EBF1: variants seen among roughly 807,000 people sequenced by gnomAD.
The protein encoded by EBF1 is EBF transcription factor 1.
Under a neutral mutation model 68.4 loss-of-function variants are expected in EBF1, and 10 were observed. The ratio of observed to expected loss-of-function variants is 0.15; its 90% CI spans 0.09 to 0.25. The LOEUF (loss-of-function observed/expected upper bound fraction) is 0.25, where lower values mean the gene tolerates loss of function less well. Ranked by LOEUF, EBF1 falls within the 10% of genes least tolerant of loss-of-function variation. The pLI, the probability that EBF1 is intolerant of heterozygous loss-of-function variation, is 1.00. For synonymous variants in EBF1, 298 were observed against 299.8 expected, an observed-to-expected ratio of 0.99 and a Z score of 0.06; for missense variants, 509 against 794.4, an observed-to-expected ratio of 0.64 and a Z score of 4.32.
chr5:158,709,401 C>T (rs897887987), intron 14 of EBF1, among the ~76,000 whole-genome samples: 1 of 152,182 alleles, frequency 6.6e-6, no homozygotes, highest in Admixed American at 6.5e-5. Flanking sequence ...AGCCCAAGGG[C>T]CATAGCTAGA....
At chr5:158,838,212 G>A (rs548166597) in intron 7 of EBF1, among the ~76,000 whole-genome samples, 6 of 152,128 alleles carry the variant, frequency 3.9e-5, no homozygotes, top group Admixed American at 2.0e-4. Flanking sequence ...TTGGGAGGCC[G>A]AGACAAGCAG....
chr5:158,934,672 C>T (rs1381594693), intron 6 of EBF1, among the ~76,000 whole-genome samples: 1 of 152,200 alleles, frequency 6.6e-6, no homozygotes, highest in East Asian at 1.9e-4. Context: ...AATTTCATAA[C>T]TATTTGAGTT....
At chr5:158,891,111 A>G (rs1801074490) in intron 6 of EBF1, among the ~76,000 whole-genome samples, 1 of 152,216 alleles carries the variant, frequency 6.6e-6, no homozygotes, top group African/African-American at 2.4e-5. Flanking sequence ...ACGATTTCCC[A>G]CGGTACATAA....
chr5:158,786,032 C>T (rs1160208081), intron 9 of EBF1, among the ~76,000 whole-genome samples: 29 of 152,028 alleles, frequency 1.9e-4, no homozygotes, highest in Admixed American at 1.6e-3. Context: ...GAATAAATAT[C>T]GTGATGCCAT....
chr5:158,800,890 G>A (rs12332693), intron 8 of EBF1, among the ~76,000 whole-genome samples: 66,823 of 152,002 alleles, frequency 0.44, 16,785 homozygotes, highest in South Asian at 0.63. Context: ...ATGTGGGGGC[G>A]GTGTTTGAAT....
chr5:158,949,960 A>C (rs1446365377), intron 6 of EBF1, among the ~76,000 whole-genome samples: 1 of 152,212 alleles, frequency 6.6e-6, no homozygotes, highest in Non-Finnish European at 1.5e-5. Flanking sequence ...ATGCTCCCAC[A>C]GCAGTATTTG....
chr5:158,809,173 C>T (rs1433276554), intron 8 of EBF1, among the ~76,000 whole-genome samples: 1 of 152,152 alleles, frequency 6.6e-6, no homozygotes, highest in Non-Finnish European at 1.5e-5. Flanking sequence ...TGACAATTAA[C>T]TAGCATTGTT....
intron 10 of EBF1, among the ~76,000 whole-genome samples, chr5:158,748,685 C>T (rs558018381): frequency 1.3e-5 from 2 of 152,250 alleles, no homozygotes; most frequent in South Asian, 2.1e-4. Flanking sequence ...ACCAAACGAG[C>T]GTTCTGGGAC....
At chr5:158,920,088 T>G (rs1038963685) in intron 6 of EBF1, among the ~76,000 whole-genome samples, 1 of 152,184 alleles carries the variant, frequency 6.6e-6, no homozygotes. Context: ...CATATATATA[T>G]GAGAAATTAC....
intron 1 of EBF1, among the ~76,000 whole-genome samples, chr5:159,098,909 AG>A (rs1783138352): frequency 6.6e-6 from 1 of 151,858 alleles, no homozygotes; most frequent in African/African-American, 2.4e-5. Context: ...GAAAAAAGAA[AG>A]AAAAAGGAAG....
Position 158,697,387 on chromosome 5 carries a change from C to T in EBF1, c.*1724G>A, listed in dbSNP as rs781233949. 1.5e-5 allele frequency: 3 copies of T among 199,204 alleles called. No homozygotes were observed. The highest frequency in any genetic ancestry group is 3.1e-5 in the Non-Finnish European group (3 of 97,216). The allele number at this position is 199,204 out of a possible 1,614,324, so 12.3% of individuals were successfully genotyped here. Reference sequence around the variant, plus strand: ...AACTGAAGCATGGTTTATAACAATACTAAAAATAACTATAAATGAAATGTT... The same window carrying T: ...AACTGAAGCATGGTTTATAACAATATTAAAAATAACTATAAATGAAATGTT... On this transcript the variant is annotated 3_prime_UTR_variant, in exon 16 of 16. Transcript: ENST00000313708.
rs1261882689 is a variant in EBF1, at chr5:158,952,102, G to A, written c.555-111992C>T. ...GTTCACAGAGCAACCTGAGCTCCAG[G>A]CAGGGCCAGGCCGGCCTCTCAGTAT... On this transcript the variant is annotated intron_variant, in intron 6 of 15. Coordinates refer to ENST00000313708, the MANE Select transcript of EBF1 (RefSeq NM_024007.5). 2.6e-5 allele frequency among the ~76,000 whole-genome samples: 4 copies of A among 152,152 alleles called. No homozygotes were observed. In the East Asian group the frequency reaches 7.7e-4, roughly 29 times the overall value.
chr5:158,854,609 T>A (rs1793610793), intron 6 of EBF1, among the ~76,000 whole-genome samples: 1 of 152,178 alleles, frequency 6.6e-6, no homozygotes, highest in Non-Finnish European at 1.5e-5. Context: ...TCAGAAGCAG[T>A]AACTTTTAGT....
intron 6 of EBF1, among the ~76,000 whole-genome samples, chr5:158,890,625 C>T (rs1284860132): frequency 6.6e-6 from 1 of 152,144 alleles, no homozygotes; most frequent in African/African-American, 2.4e-5. Context: ...ATATTCAATA[C>T]TTCTATTTAT....
At chr5:158,846,378 T>C (rs964800934) in intron 6 of EBF1, among the ~76,000 whole-genome samples, 2 of 152,220 alleles carry the variant, frequency 1.3e-5, no homozygotes, top group Non-Finnish European at 2.9e-5. Flanking sequence ...TGTCCAAGCC[T>C]ACTGCCCAGA....
intron 6 of EBF1, among the ~76,000 whole-genome samples, chr5:159,004,183 A>G (rs960900842): frequency 6.6e-6 from 1 of 151,770 alleles, no homozygotes; most frequent in African/African-American, 2.4e-5. Context: ...AGGCTGAGGC[A>G]GGAGAATCAC....
intron 6 of EBF1, among the ~76,000 whole-genome samples, chr5:158,991,956 A>C (rs1023834760): frequency 2.6e-5 from 4 of 152,158 alleles, no homozygotes; most frequent in Non-Finnish European, 5.9e-5. Flanking sequence ...ACCTTCAGCA[A>C]CTCACCAACT....
chr5:158,815,896 A>T (rs1783640097), intron 8 of EBF1, among the ~76,000 whole-genome samples: 1 of 152,238 alleles, frequency 6.6e-6, no homozygotes, highest in Admixed American at 6.5e-5. Flanking sequence ...ACAAAGTAAA[A>T]GCCCTGATTT....
At chr5:158,969,912 GAAAGAAAA>G (rs1456085476) in intron 6 of EBF1, among the ~76,000 whole-genome samples, 2,206 of 91,558 alleles carry the variant, frequency 0.024, 25 homozygotes, top group South Asian at 0.035. Context: ...AAGAAAGAAA[GAAAGAAAA>G]AAAAAAAAAA....
Sources: allele counts gnomAD v4.1 joint callset (sites outside exome capture counted in the v4.1 genomes callset), GRCh38; gene constraint gnomAD v4.1.1; transcripts MANE v1.5; gene names NCBI Gene and HGNC (gene_info 2026-07-23, HGNC 2026-07-21).